ZBED4: variants seen among roughly 807,000 people sequenced by gnomAD.
ZBED4 encodes the protein zinc finger BED domain-containing protein 4.
Under a neutral mutation model 15.5 loss-of-function variants are expected in ZBED4, and 4 were observed. The ratio of observed to expected loss-of-function variants is 0.26; its 90% CI spans 0.13 to 0.59. The LOEUF (loss-of-function observed/expected upper bound fraction) is 0.59, where lower values mean the gene tolerates loss of function less well. ZBED4 is among the 20% of genes least tolerant of loss of function. The probability of loss-of-function intolerance (pLI) is 0.90; values close to 1 mark genes in which losing one functional copy is unlikely to be tolerated. For missense variants in ZBED4, 1,323 were observed against 1,461.8 expected, an observed-to-expected ratio of 0.91 and a Z score of 1.55; for synonymous variants, 692 against 608.5, an observed-to-expected ratio of 1.14 and a Z score of -2.02.
Position 49,886,116 on chromosome 22 carries a change from C to T in ZBED4, c.2454C>T (p.Asn818=), listed in dbSNP as rs751478520. 2.8e-5 allele frequency: 19 copies of T among 681,326 alleles called. No individual in the cohort carries two copies. Among genetic ancestry groups the T allele is most frequent in the Non-Finnish European group, 4.3e-5 (16 of 371,162 alleles). The allele number at this position is 681,326 out of a possible 1,614,324, so 42.2% of individuals were successfully genotyped here. ...TDNASIGKTL[N]EGEHSSVQCF... Reference sequence around the variant, plus strand: ...ACGCCAGCATCGGGAAGACGCTGAACGAGGGGGAGCACTCGAGCGTGCAGT... The same window carrying T: ...ACGCCAGCATCGGGAAGACGCTGAATGAGGGGGAGCACTCGAGCGTGCAGT... The change falls in exon 2 of 2, where the codon AAC becomes AAT. Residue 818 remains asparagine (N), a synonymous_variant. Coordinates refer to ENST00000216268, the MANE Select transcript of ZBED4 (RefSeq NM_014838.3). This position sits in a 1 kb window ranked among gnomAD's most constrained non-coding sequence, Gnocchi z 7.7.
At chr22:49,871,393 G>A (rs1164745962) in intron 1 of ZBED4, among the ~76,000 whole-genome samples, 3 of 152,048 alleles carry the variant, frequency 2.0e-5, no homozygotes, top group African/African-American at 7.2e-5. Context: ...GGCTGAGGCA[G>A]GAGAAAGCTT....
At chr22:49,864,938 C>CG (rs2060313640) in intron 1 of ZBED4, among the ~76,000 whole-genome samples, 1 of 7,392 alleles carries the variant, frequency 1.4e-4, no homozygotes. Context: ...TCCCAGCAAG[C>CG]CCCCCCCCCC....
At chr22:49,875,577 C>T (rs970501275) in intron 1 of ZBED4, among the ~76,000 whole-genome samples, 4 of 151,728 alleles carry the variant, frequency 2.6e-5, no homozygotes, top group Non-Finnish European at 5.9e-5. Context: ...CGCACCACCA[C>T]GCCCGGCTAA....
intron 1 of ZBED4, among the ~76,000 whole-genome samples, chr22:49,877,067 G>A (rs2060380025): frequency 6.6e-6 from 1 of 152,136 alleles, no homozygotes; most frequent in South Asian, 2.1e-4. Context: ...ATTTACCTCA[G>A]CCTCAAAGAG....
chr22:49,862,433 C>T (rs1027075665), intron 1 of ZBED4, among the ~76,000 whole-genome samples: 2 of 152,186 alleles, frequency 1.3e-5, no homozygotes, highest in Admixed American at 6.5e-5. Flanking sequence ...TGTTTTTAAA[C>T]CTTTTTTATT....
At chr22:49,871,176 C>G (rs1334301291) in intron 1 of ZBED4, among the ~76,000 whole-genome samples, 1 of 5,462 alleles carries the variant, frequency 1.8e-4, no homozygotes, top group Non-Finnish European at 3.2e-4. Flanking sequence ...TCCCAAAGTG[C>G]TAGGACTACA....
intron 1 of ZBED4, among the ~76,000 whole-genome samples, chr22:49,854,353 G>A (rs563784961): frequency 1.3e-5 from 2 of 151,086 alleles, no homozygotes; most frequent in South Asian, 4.2e-4. Context: ...CGGCCACGTC[G>A]AGTTAACCCC....
At position 49,886,722 on chromosome 22, in the gene ZBED4, G is replaced by A. The variant is rs1601806250; in HGVS notation, c.3060G>A (p.Glu1020=). The A allele has an allele frequency of 6.2e-7, 1 of 1,613,446 alleles. No homozygotes were observed. Among genetic ancestry groups the A allele is most frequent in the Non-Finnish European group, 8.5e-7 (1 of 1,179,874 alleles). The stretch of plus-strand genomic sequence containing the variant: ...ACAAGGCCTCCCTGTTTACGGAGGA[G>A]GAGGCGGAGCAGTACAAACAGGATT... ...PRYKASLFTE[E]EAEQYKQDLI... Residue 1020 remains glutamate, a synonymous_variant, in exon 2 of 2, where the codon GAG becomes GAA. Coordinates refer to ENST00000216268, the MANE Select transcript of ZBED4 (RefSeq NM_014838.3). The surrounding 1 kb of genome is among the most constrained non-coding windows in gnomAD (Gnocchi z 7.7).
chr22:49,884,450 A>G lies in ZBED4; in HGVS notation c.788A>G (p.Tyr263Cys). The change falls in exon 2 of 2, where the codon TAC becomes TGC. Residue 263 changes from tyrosine (Y) to cysteine (C), a missense_variant. Physicochemically the swap from Tyr to Cys is radical, Grantham distance 194. Coordinates refer to ENST00000216268, the MANE Select transcript of ZBED4 (RefSeq NM_014838.3). ...GSSPHLPALHYDEPAENLAEK... is the reference protein window; with the variant it reads ...GSSPHLPALHCDEPAENLAEK... ...TCTCCCCACCTCCCTGCTCTCCATT[A>G]CGATGAACCTGCAGAGAACTTAGCG... The G allele has an allele frequency of 6.2e-7, 1 of 1,614,198 alleles. No individual in the cohort carries two copies. Among genetic ancestry groups the G allele is most frequent in the Non-Finnish European group, 8.5e-7 (1 of 1,180,036 alleles).
At position 49,883,479 on chromosome 22, in the gene ZBED4, G is replaced by T. The variant is rs1019638611; in HGVS notation, c.-184G>T. On this transcript the variant is annotated 5_prime_UTR_variant, in exon 2 of 2. Coordinates refer to ENST00000216268, the MANE Select transcript of ZBED4 (RefSeq NM_014838.3). Reference sequence around the variant, plus strand: ...CTCTTGGAAAGCAGTGATCTATGCTGTAAGACCATGAGTCACAGATTCTTT... The same window carrying T: ...CTCTTGGAAAGCAGTGATCTATGCTTTAAGACCATGAGTCACAGATTCTTT... 1.3e-5 allele frequency: 10 copies of T among 798,724 alleles called. No homozygotes were observed. Among genetic ancestry groups the T allele is most frequent in the Non-Finnish European group, 1.8e-5 (10 of 542,198 alleles). 49.5% of individuals were successfully genotyped at this position (798,724 alleles called of 1,614,324 possible). A position where few individuals can be genotyped will look rare whatever the true frequency, so the allele number is the denominator to read the frequency against.
rs772736054 is a variant in ZBED4, at chr22:49,885,285, G to A, written c.1623G>A (p.Leu541=). 1.1e-5 allele frequency: 18 copies of A among 1,595,162 alleles called. No homozygotes were observed. Among genetic ancestry groups the A allele is most frequent in the Non-Finnish European group, 1.4e-5 (16 of 1,168,750 alleles). ...AESSSSKLTD[L]PTVVTKNNQV... ...GTTCCTCTTCCAAATTGACTGACTT[G>A]CCAACAGTGGTCACAAAAAACAATC... is the stretch of plus-strand genomic sequence containing the variant. The change falls in exon 2 of 2, where the codon TTG becomes TTA. Residue 541 remains leucine, a synonymous_variant. Transcript: ENST00000216268.
In ZBED4 at chr22:49,887,078, C is replaced by T. The variant is rs781456868; in HGVS notation, c.3416C>T (p.Thr1139Ile). 6 of 1,614,098 alleles carry T rather than the reference C, an allele frequency of 3.7e-6. No homozygotes were observed. Among genetic ancestry groups the T allele is most frequent in the Non-Finnish European group, 5.1e-6 (6 of 1,180,044 alleles). The change falls in exon 2 of 2, where the codon ACT (threonine) becomes ATT (isoleucine). Residue 1139 changes from threonine to isoleucine, a missense_variant. Physicochemically the swap from Thr to Ile is moderately conservative, Grantham distance 89. Around this residue, in one of 6 missense-constraint regions of ZBED4, gnomAD observed 312 missense variants for 410.7 expected, o/e 0.76. Coordinates refer to ENST00000216268, the MANE Select transcript of ZBED4 (RefSeq NM_014838.3). Reference protein sequence around the residue: ...VPSEKLFNTPTENGSLGQSRL... With the variant: ...VPSEKLFNTPIENGSLGQSRL... The stretch of plus-strand genomic sequence containing the variant: ...TCAGAAAAGCTGTTCAACACACCCA[C>T]TGAGAACGGTAGCCTTGGCCAATCC...
In ZBED4 at chr22:49,883,351, C is replaced by T. The variant is rs540554401; in HGVS notation, c.-312C>T. ...TCTTATAGGTAATGCACAAGGGTCA[C>T]GTGTATGCTCTCAAGATGATCAGGC... On this transcript the variant is annotated 5_prime_UTR_variant, in exon 2 of 2. It adds an upstream start codon to the 5' untranslated region. Coordinates refer to ENST00000216268, the MANE Select transcript of ZBED4 (RefSeq NM_014838.3). 3 of 232,688 alleles carry T rather than the reference C, an allele frequency of 1.3e-5. No individual in the cohort carries two copies. Among genetic ancestry groups the T allele is most frequent in the African/African-American group, 2.2e-5 (1 of 44,936 alleles). The allele number at this position is 232,688 out of a possible 1,614,324, so 14.4% of individuals were successfully genotyped here. A position where few individuals can be genotyped will look rare whatever the true frequency, so the allele number is the denominator to read the frequency against.
intron 1 of ZBED4, among the ~76,000 whole-genome samples, chr22:49,856,510 T>C (rs111276249): frequency 1.5e-3 from 232 of 152,332 alleles, no homozygotes; most frequent in Non-Finnish European, 2.6e-3. Context: ...AGAGGCAGCC[T>C]CACGGCATCC....
rs1005579673 is a variant in ZBED4, at chr22:49,880,098, G to GTT, written c.-329-3235_-329-3234dup. 4.0e-5 allele frequency among the ~76,000 whole-genome samples: 6 copies of GTT among 150,140 alleles called. 1 individual carries two copies. Among genetic ancestry groups the GTT allele is most frequent in the South Asian group, 2.1e-4 (1 of 4,692 alleles). ...GAGACTTGTTTTAGGTTGTAGTAAAGTTAATCATAGACCGTTTCCTCCTCT... is the reference window on the plus strand; with the variant it reads ...GAGACTTGTTTTAGGTTGTAGTAAAGTTTTAATCATAGACCGTTTCCTCCTCT... On this transcript the variant is annotated intron_variant, in intron 1 of 1. Coordinates refer to ENST00000216268, the MANE Select transcript of ZBED4 (RefSeq NM_014838.3).
At chr22:49,874,422 ATCTCC>A (rs1475527980) in intron 1 of ZBED4, among the ~76,000 whole-genome samples, 1 of 146,892 alleles carries the variant, frequency 6.8e-6, no homozygotes, top group Non-Finnish European at 1.5e-5. Flanking sequence ...GTCTTGCTCT[ATCTCC>A]CAGGCTGGAG....
At chr22:49,871,922 T>C (rs1168038305) in intron 1 of ZBED4, among the ~76,000 whole-genome samples, 2 of 152,024 alleles carry the variant, frequency 1.3e-5, no homozygotes, top group Non-Finnish European at 2.9e-5. Context: ...ATTTTTGTAT[T>C]TTTAGTAGAG....
Position 49,885,429 on chromosome 22 carries a change from G to A in ZBED4, c.1767G>A (p.Gly589=), listed in dbSNP as rs1244658667. Residue 589 remains glycine (G), a synonymous_variant, in exon 2 of 2, where the codon GGG becomes GGA. Transcript: ENST00000216268. ...ACTGTGGCCGGACCATCAGCCGGGG[G>A]AAGAAGCCGACTAACTTGGGTACCA... is the stretch of plus-strand genomic sequence containing the variant. ...CLHCGRTISR[G]KKPTNLGTSC... is the part of the protein sequence containing the mutation. 1.2e-6 allele frequency: 2 copies of A among 1,609,502 alleles called. No individual in the cohort carries two copies. The highest frequency in any genetic ancestry group is 1.7e-6 in the Non-Finnish European group (2 of 1,176,114).
chr22:49,863,934 C>T (rs900724812), intron 1 of ZBED4, among the ~76,000 whole-genome samples: 1 of 152,180 alleles, frequency 6.6e-6, no homozygotes, highest in Non-Finnish European at 1.5e-5. Flanking sequence ...CAAGCTGGCT[C>T]CTGGATCCTT....
Sources: gnomAD v4.1 joint callset for allele counts (sites outside exome capture counted in the v4.1 genomes callset) on GRCh38, gnomAD v4.1.1 for gene constraint, gnomAD v4.1.1 regional missense constraint, Gnocchi (gnomAD v3.1) non-coding constraint, MANE v1.5 for transcripts, NCBI Gene and HGNC (gene_info 2026-07-23, HGNC 2026-07-21) for gene names.